The following SPTAN1 variants were observed in gnomAD, a reference collection of about 807,000 sequenced individuals.
SPTAN1 encodes spectrin alpha chain, non-erythrocytic 1.
A neutral mutation model predicts 331.3 loss-of-function variants in SPTAN1; 61 were observed. The observed-to-expected ratio is 0.18, with a 90% confidence interval of 0.15 to 0.23. The LOEUF (loss-of-function observed/expected upper bound fraction) is 0.23. SPTAN1 is among the 10% of genes least tolerant of loss of function. The pLI is 1.00. For missense variants in SPTAN1, 2,043 were observed against 3,147.9 expected, an observed-to-expected ratio of 0.65 and a Z score of 8.40; for synonymous variants, 1,153 against 1,173.9, an observed-to-expected ratio of 0.98 and a Z score of 0.36.
In SPTAN1 at chr9:128,582,803, G is replaced by A. The variant is rs777809136; in HGVS notation, c.1760G>A (p.Ser587Asn). 1 of 1,613,884 alleles carries A rather than the reference G, an allele frequency of 6.2e-7. No homozygotes were observed. The highest frequency in any genetic ancestry group is 1.1e-5 in the South Asian group (1 of 91,070). Residue 587 changes from serine to asparagine, a missense_variant, in exon 14 of 57, where the codon AGT becomes AAT. Transcript: ENST00000372739. ...TTCCGTGATTCTGATGAGCTCAAGA[G>A]TTGGGTCAATGAGAAGATGAAAACT... ...QFFRDSDELK[S>N]WVNEKMKTAT...
chr9:128,582,667 G>T, intron 13 of SPTAN1, 27 bp from the exon 14 acceptor site: 1 of 1,611,912 alleles, frequency 6.2e-7, no homozygotes, highest in Non-Finnish European at 8.5e-7. Flanking sequence ...GAACACTAGA[G>T]ACTCACAGGG....
At chr9:128,633,109 T>C (rs1860079811) in intron 56 of SPTAN1, 100 bp from the exon 57 acceptor site, 3 of 1,600,078 alleles carry the variant, frequency 1.9e-6, no homozygotes, top group South Asian at 1.1e-5. Context: ...GATCTGCTTG[T>C]AGAAGCAGCT....
chr9:128,621,705 C>T (rs1415338760), intron 45 of SPTAN1: 1 of 263,752 alleles, frequency 3.8e-6, no homozygotes, highest in Non-Finnish European at 7.5e-6. Context: ...CCGCAGACTC[C>T]CGTTTAATAG....
chr9:128,563,144 A>G (rs567671139), intron 1 of SPTAN1, among the ~76,000 whole-genome samples: 1 of 151,898 alleles, frequency 6.6e-6, no homozygotes, highest in East Asian at 1.9e-4. Flanking sequence ...AGGCCAGTGC[A>G]GTGGCTCATG....
At chr9:128,623,833 C>T (rs1269621778) in intron 45 of SPTAN1, among the ~76,000 whole-genome samples, 2 of 151,726 alleles carry the variant, frequency 1.3e-5, no homozygotes, top group African/African-American at 4.8e-5. Flanking sequence ...CACCTGTAAT[C>T]CCAGCACTTT....
chr9:128,582,495 C>T lies in SPTAN1; in HGVS notation c.1589C>T (p.Ala530Val). 1 of 1,614,172 alleles carries T rather than the reference C, an allele frequency of 6.2e-7. No individual in the cohort carries two copies. The highest frequency in any genetic ancestry group is 8.5e-7 in the Non-Finnish European group (1 of 1,180,028). ...EEKITALDEF[A>V]TKLIQNNHYA... ...CCTTCCTAGGCATTAGATGAATTTG[C>T]AACCAAGCTAATTCAGAACAACCAC... The change falls in exon 13 of 57, where the codon GCA becomes GTA. Residue 530 changes from alanine to valine, a missense_variant. Ala to Val is a moderately conservative substitution (Grantham distance 64). Coordinates refer to ENST00000372739, the MANE Select transcript of SPTAN1 (RefSeq NM_001130438.3).
Position 128,621,101 on chromosome 9 carries a change from C to A in SPTAN1, c.5734-57C>A, listed in dbSNP as rs1857793070. 11 of 1,521,526 alleles carry A rather than the reference C, an allele frequency of 7.2e-6. No individual in the cohort carries two copies. In the South Asian group the frequency reaches 1.1e-4, roughly 16 times the overall value. 94.3% of individuals were successfully genotyped at this position (1,521,526 alleles called of 1,614,324 possible). The stretch of plus-strand genomic sequence containing the variant: ...TTTTGTCACTCTCTGTCCCCGGGGC[C>A]TAGCCCACAACACATAGCAGGCTCT... On this transcript the variant is annotated intron_variant, in intron 44 of 56. Transcript: ENST00000372739.
chr9:128,568,740 C>T lies in SPTAN1; in HGVS notation c.238-32C>T, dbSNP rs181992677. On this transcript the variant is annotated intron_variant, in intron 2 of 56. Coordinates refer to ENST00000372739, the MANE Select transcript of SPTAN1 (RefSeq NM_001130438.3). ...ACAAAATGCTGATGCTGTGTGGTTG[C>T]GTCTGAGGCTCACTTCAAGGTCCGC... The T allele has an allele frequency of 1.1e-4, 174 of 1,612,978 alleles. 1 individual carries two copies. In the East Asian group the frequency reaches 2.3e-3, roughly 21 times the overall value.
intron 22 of SPTAN1, among the ~76,000 whole-genome samples, chr9:128,592,681 G>C (rs1183035769): frequency 2.0e-5 from 3 of 152,322 alleles, no homozygotes; most frequent in Non-Finnish European, 2.9e-5. Context: ...TCTAAGGGTA[G>C]TCCAGTCTGT....
intron 21 of SPTAN1, 130 bp downstream of exon 21, chr9:128,589,073 C>G: frequency 7.6e-7 from 1 of 1,309,134 alleles, no homozygotes; most frequent in Non-Finnish European, 1.1e-6. Context: ...AGTTTCCTCA[C>G]CAATCCCCCA....
At position 128,608,969 on chromosome 9, in the gene SPTAN1, C is replaced by G; in HGVS notation, c.4587C>G (p.Val1529=). The change falls in exon 35 of 57, where the codon GTC becomes GTG. Residue 1529 remains valine (V), a synonymous_variant. Coordinates refer to ENST00000372739, the MANE Select transcript of SPTAN1 (RefSeq NM_001130438.3). ...KGDISSRRNE[V]LDRWRRLKAQ... is the part of the protein sequence containing the mutation. Reference sequence around the variant, plus strand: ...ACATTTCTAGCCGGCGCAATGAGGTCTTGGACAGGTGGGTGTCCTGTGGCA... The same window carrying G: ...ACATTTCTAGCCGGCGCAATGAGGTGTTGGACAGGTGGGTGTCCTGTGGCA... The G allele has an allele frequency of 6.2e-7, 1 of 1,614,222 alleles. No individual in the cohort carries two copies. The highest frequency in any genetic ancestry group is 8.5e-7 in the Non-Finnish European group (1 of 1,180,044).
At chr9:128,583,354 G>T in intron 15 of SPTAN1, 73 bp downstream of exon 15, 2 of 1,450,272 alleles carry the variant, frequency 1.4e-6, no homozygotes, top group African/African-American at 1.4e-5. Context: ...AAGTATTTTA[G>T]GGACATATAC....
At chr9:128,596,582 A>G (rs974706873) in intron 24 of SPTAN1, 1 of 152,060 alleles carries the variant, frequency 6.6e-6, no homozygotes, top group Non-Finnish European at 1.5e-5. Flanking sequence ...GGCCTAATAT[A>G]CTACACATTG....
intron 31 of SPTAN1, among the ~76,000 whole-genome samples, chr9:128,607,391 G>C (rs1452762476): frequency 1.3e-5 from 2 of 152,046 alleles, no homozygotes; most frequent in Non-Finnish European, 2.9e-5. Flanking sequence ...TTAATTATAA[G>C]CCTACTGACT....
intron 19 of SPTAN1, among the ~76,000 whole-genome samples, chr9:128,586,557 T>C (rs1589226441): frequency 6.6e-6 from 1 of 152,270 alleles, no homozygotes; most frequent in African/African-American, 2.4e-5. Context: ...ATATGTGTGC[T>C]TACATACATA....
intron 23 of SPTAN1, chr9:128,593,809 C>T (rs1393744337): frequency 9.3e-6 from 3 of 323,888 alleles, no homozygotes; most frequent in South Asian, 8.8e-5. Flanking sequence ...TGTATACATT[C>T]TGCCCAGCAA....
chr9:128,555,342 T>A, intron 1 of SPTAN1: 1 of 1,289,228 alleles, frequency 7.8e-7, no homozygotes, highest in Non-Finnish European at 1.0e-6. Context: ...TCCCCCTCCC[T>A]CTTTAGACTC....
At chr9:128,605,577 C>T in intron 31 of SPTAN1, 100 bp downstream of exon 31, 1 of 1,454,002 alleles carries the variant, frequency 6.9e-7, no homozygotes, top group Admixed American at 1.9e-5. Context: ...GGTACAATGG[C>T]TCACACCTAT....
intron 51 of SPTAN1, 194 bp downstream of exon 51, chr9:128,628,136 A>G (rs1392282998): frequency 1.3e-6 from 1 of 796,834 alleles, no homozygotes; most frequent in Admixed American, 1.8e-5. Context: ...CTGGTCCCCG[A>G]TAGAGCCTTC....
Sources: allele counts gnomAD v4.1 joint callset (sites outside exome capture counted in the v4.1 genomes callset), GRCh38; gene constraint gnomAD v4.1.1; transcripts MANE v1.5; gene names NCBI Gene and HGNC (gene_info 2026-07-23, HGNC 2026-07-21).